The following LDB2 variants were observed in gnomAD, a reference collection of about 807,000 sequenced individuals.
The protein encoded by LDB2 is LIM domain-binding protein 2.
In LDB2, 12 loss-of-function variants were observed where a neutral mutation model predicts 44.3. The observed-to-expected ratio is 0.27, with a 90% CI of 0.17 to 0.44. The LOEUF (loss-of-function observed/expected upper bound fraction) is 0.44, where lower values mean the gene tolerates loss of function less well. LDB2 is among the 20% of genes least tolerant of loss of function. LDB2 has a pLI of 1.00. For synonymous variants in LDB2, 164 were observed against 174.8 expected (o/e 0.94, Z 0.49); for missense variants, 344 against 473.5 (o/e 0.73, Z 2.54).
intron 2 of LDB2, among the ~76,000 whole-genome samples, chr4:16,599,930 G>A (rs1722111063): frequency 6.6e-6 from 1 of 152,136 alleles, no homozygotes. Context: ...ATCAGGAGAG[G>A]TAGCAAGTAT....
At chr4:16,535,717 C>A (rs1731599508) in intron 5 of LDB2, among the ~76,000 whole-genome samples, 1 of 152,190 alleles carries the variant, frequency 6.6e-6, no homozygotes, top group Admixed American at 6.5e-5. Flanking sequence ...ATAGTAGTAG[C>A]ACTTACTGAA....
intron 1 of LDB2, among the ~76,000 whole-genome samples, chr4:16,897,686 C>T (rs1580591403): frequency 6.6e-6 from 1 of 151,624 alleles, no homozygotes; most frequent in South Asian, 2.1e-4. Context: ...GGGGCACGGC[C>T]GACAGCAATA....
intron 2 of LDB2, 56 bp downstream of exon 2, chr4:16,759,102 G>T (rs1056470055): frequency 5.2e-6 from 6 of 1,151,564 alleles, no homozygotes; most frequent in Non-Finnish European, 7.9e-6. Context: ...AGACCCCTGC[G>T]GTTTTCTTAC....
At chr4:16,547,309 A>C (rs1736097682) in intron 5 of LDB2, among the ~76,000 whole-genome samples, 1 of 152,206 alleles carries the variant, frequency 6.6e-6, no homozygotes, top group African/African-American at 2.4e-5. Flanking sequence ...GAGCGCAGCC[A>C]TTGTGACACC....
chr4:16,639,004 T>C (rs1734394325), intron 2 of LDB2, among the ~76,000 whole-genome samples: 1 of 152,226 alleles, frequency 6.6e-6, no homozygotes. Flanking sequence ...CATTCCCTGA[T>C]GTTGCAAAAA....
intron 2 of LDB2, among the ~76,000 whole-genome samples, chr4:16,635,357 T>A (rs1477364748): frequency 6.6e-6 from 1 of 152,078 alleles, no homozygotes; most frequent in Non-Finnish European, 1.5e-5. Flanking sequence ...AGATAGTAAA[T>A]GGATTCCAGC....
At chr4:16,886,108 A>C (rs1721627634) in intron 1 of LDB2, among the ~76,000 whole-genome samples, 1 of 151,822 alleles carries the variant, frequency 6.6e-6, no homozygotes, top group South Asian at 2.1e-4. Flanking sequence ...AGTCCCAGAT[A>C]CTCAGGAGGC....
intron 1 of LDB2, among the ~76,000 whole-genome samples, chr4:16,848,706 A>C (rs1435575365): frequency 6.6e-6 from 1 of 152,158 alleles, no homozygotes; most frequent in Non-Finnish European, 1.5e-5. Context: ...AATAATAGCA[A>C]TATCCACATA....
intron 5 of LDB2, among the ~76,000 whole-genome samples, chr4:16,545,136 T>TTCTCCCTC (rs914907188): frequency 6.6e-6 from 1 of 151,234 alleles, no homozygotes; most frequent in African/African-American, 2.4e-5. Flanking sequence ...CCCGCTCCTT[T>TTCTCCCTC]TCTCCCTCTC....
At chr4:16,612,786 G>A (rs1726052349) in intron 2 of LDB2, among the ~76,000 whole-genome samples, 1 of 152,160 alleles carries the variant, frequency 6.6e-6, no homozygotes, top group African/African-American at 2.4e-5. Flanking sequence ...AAGAGGAGTT[G>A]TTACCATTCC....
At chr4:16,729,923 G>A (rs764698347) in intron 2 of LDB2, among the ~76,000 whole-genome samples, 2 of 152,076 alleles carry the variant, frequency 1.3e-5, no homozygotes, top group African/African-American at 2.4e-5. Flanking sequence ...GGTATGAGTC[G>A]TTGTCGTGTA....
intron 2 of LDB2, among the ~76,000 whole-genome samples, chr4:16,711,249 G>A (rs1413517935): frequency 6.6e-6 from 1 of 152,228 alleles, no homozygotes; most frequent in Non-Finnish European, 1.5e-5. Flanking sequence ...GCAAAATGGT[G>A]TTTAGGGAAG....
chr4:16,681,166 C>T (rs981406399), intron 2 of LDB2, among the ~76,000 whole-genome samples: 1 of 152,158 alleles, frequency 6.6e-6, no homozygotes. Flanking sequence ...AGAGTTTTCT[C>T]TGGCTGGTTG....
At chr4:16,647,337 T>C (rs1471137868) in intron 2 of LDB2, among the ~76,000 whole-genome samples, 3 of 152,166 alleles carry the variant, frequency 2.0e-5, no homozygotes, top group African/African-American at 7.2e-5. Context: ...ATGAAAATGT[T>C]CTAAAATTGA....
At chr4:16,766,999 C>G (rs1385783239) in intron 1 of LDB2, among the ~76,000 whole-genome samples, 1 of 152,188 alleles carries the variant, frequency 6.6e-6, no homozygotes, top group Non-Finnish European at 1.5e-5. Flanking sequence ...GAATTTCTCT[C>G]AGGCACATGC....
At chr4:16,817,034 G>A (rs1247994491) in intron 1 of LDB2, among the ~76,000 whole-genome samples, 1 of 152,146 alleles carries the variant, frequency 6.6e-6, no homozygotes, top group East Asian at 1.9e-4. Flanking sequence ...ACAAGACCAT[G>A]AGCTCTTTGT....
intron 1 of LDB2, among the ~76,000 whole-genome samples, chr4:16,884,112 A>C (rs1377246086): frequency 6.6e-6 from 1 of 152,220 alleles, no homozygotes; most frequent in African/African-American, 2.4e-5. Flanking sequence ...TCAAAGGCAT[A>C]GCAGATTGCT....
intron 1 of LDB2, among the ~76,000 whole-genome samples, chr4:16,768,345 T>C (rs1285657611): frequency 1.3e-5 from 2 of 152,196 alleles, no homozygotes; most frequent in East Asian, 1.9e-4. Flanking sequence ...CCCTACTCTC[T>C]TGTACACACA....
At chr4:16,547,172 A>G (rs964154250) in intron 5 of LDB2, among the ~76,000 whole-genome samples, 1 of 152,196 alleles carries the variant, frequency 6.6e-6, no homozygotes, top group African/African-American at 2.4e-5. Flanking sequence ...CACAGAGGAG[A>G]GACAGCCGTG....
Sources: gnomAD v4.1 joint callset for allele counts (sites outside exome capture counted in the v4.1 genomes callset) on GRCh38, gnomAD v4.1.1 for gene constraint, MANE v1.5 for transcripts, NCBI Gene and HGNC (gene_info 2026-07-23, HGNC 2026-07-21) for gene names.